The following TMEM38A variants were observed in gnomAD, a reference collection of about 807,000 sequenced individuals.
TMEM38A encodes transmembrane protein 38A.
Under a neutral mutation model 28.6 loss-of-function variants are expected in TMEM38A, and 17 were observed. The observed-to-expected ratio is 0.60, with a 90% CI of 0.41 to 0.89. TMEM38A has a LOEUF of 0.89. Ranked by LOEUF, TMEM38A falls within the 40% of genes least tolerant of loss-of-function variation. TMEM38A has a pLI of 0.00. For synonymous variants in TMEM38A, 169 were observed against 166.1 expected, an observed-to-expected ratio of 1.02 and a Z score of -0.14; for missense variants, 328 against 393.1, an observed-to-expected ratio of 0.83 and a Z score of 1.40.
chr19:16,680,094 G>A lies in TMEM38A; in HGVS notation c.235G>A (p.Asp79Asn), dbSNP rs762186775. Residue 79 changes from aspartate (D) to asparagine (N), a missense_variant, in exon 2 of 6, where the codon GAT becomes AAT. Coordinates refer to ENST00000187762, the MANE Select transcript of TMEM38A (RefSeq NM_024074.4). ...TCTGCTCCTTGGGGAGCCACTGATC[G>A]ATTACTTCAGCAACAACTCCAGCAT... ...ADLLLGEPLI[D>N]YFSNNSSILL... 3.1e-6 allele frequency: 5 copies of A among 1,610,730 alleles called. No homozygotes were observed. The highest frequency in any genetic ancestry group is 1.3e-5 in the African/African-American group (1 of 74,930).
At position 16,682,513 on chromosome 19, in the gene TMEM38A, G is replaced by A. The variant is rs1283329304; in HGVS notation, c.554+5G>A. Reference sequence around the variant, plus strand: ...CGAGATCCTGCACATGTCTTTGTGAGTATCCCACTCCACCTCTCCCTCCAT... The same window carrying A: ...CGAGATCCTGCACATGTCTTTGTGAATATCCCACTCCACCTCTCCCTCCAT... On this transcript the variant is annotated splice_donor_5th_base_variant and intron_variant, in intron 4 of 5. Coordinates refer to ENST00000187762, the MANE Select transcript of TMEM38A (RefSeq NM_024074.4). The A allele has an allele frequency of 3.7e-6, 6 of 1,613,536 alleles. No homozygotes were observed. The highest frequency in any genetic ancestry group is 5.1e-6 in the Non-Finnish European group (6 of 1,179,634).
At chr19:16,671,793 G>A (rs778495856) in intron 1 of TMEM38A, among the ~76,000 whole-genome samples, 2 of 152,222 alleles carry the variant, frequency 1.3e-5, no homozygotes, top group South Asian at 2.1e-4. Context: ...CCGTCAGAGC[G>A]TAACTCATGC....
chr19:16,669,745 A>C (rs934235687), intron 1 of TMEM38A, among the ~76,000 whole-genome samples: 4 of 152,092 alleles, frequency 2.6e-5, no homozygotes, highest in Admixed American at 6.6e-5. Flanking sequence ...AGACTCGGTC[A>C]GTACCCCATG....
chr19:16,662,904 A>T (rs2086688355), intron 1 of TMEM38A, among the ~76,000 whole-genome samples: 1 of 152,104 alleles, frequency 6.6e-6, no homozygotes, highest in Non-Finnish European at 1.5e-5. Flanking sequence ...TTGTCCTAGC[A>T]TGAACATGGG....
chr19:16,685,556 C>A (rs889785176), intron 4 of TMEM38A, among the ~76,000 whole-genome samples: 2 of 152,218 alleles, frequency 1.3e-5, no homozygotes, highest in African/African-American at 4.8e-5. Context: ...CAGGGAAGCT[C>A]TTCTGAGCCT....
In TMEM38A at chr19:16,689,707, G is replaced by C. The variant is rs550776442; in HGVS notation, c.*1336G>C. On this transcript the variant is annotated 3_prime_UTR_variant, in exon 6 of 6. Coordinates refer to ENST00000187762, the MANE Select transcript of TMEM38A (RefSeq NM_024074.4). ...GCTCTGTGGTCAGCCTTGTGCTGCT[G>C]CTGGGCGGGCCAGGAGCCTGCTTCA... 7 of 152,542 alleles carry C rather than the reference G, an allele frequency of 4.6e-5. No individual in the cohort carries two copies. Among genetic ancestry groups the C allele is most frequent in the Admixed American group, 2.6e-4 (4 of 15,292 alleles). 9.4% of individuals were successfully genotyped at this position (152,542 alleles called of 1,614,324 possible). A position where few individuals can be genotyped will look rare whatever the true frequency, so the allele number is the denominator to read the frequency against.
Position 16,688,607 on chromosome 19 carries a change from C to T in TMEM38A, c.*236C>T. On this transcript the variant is annotated 3_prime_UTR_variant, in exon 6 of 6. Transcript: ENST00000187762. ...CTGCCAGGACCCCATAGAGTCACAGCTTTTGGAGGGGTTCACAGAATCCTG... is the reference window on the plus strand; with the variant it reads ...CTGCCAGGACCCCATAGAGTCACAGTTTTTGGAGGGGTTCACAGAATCCTG... 2.7e-6 allele frequency: 1 copy of T among 371,926 alleles called. No individual in the cohort carries two copies. Among genetic ancestry groups the T allele is most frequent in the East Asian group, 4.0e-5 (1 of 25,178 alleles). The allele number at this position is 371,926 out of a possible 1,614,324, so 23.0% of individuals were successfully genotyped here.
intron 1 of TMEM38A, among the ~76,000 whole-genome samples, chr19:16,674,275 C>T (rs1264513195): frequency 6.6e-6 from 1 of 150,774 alleles, no homozygotes; most frequent in Non-Finnish European, 1.5e-5. Flanking sequence ...ATCCCAGCTA[C>T]TTGGGAGGCT....
chr19:16,669,210 CTTTT>C (rs1317572961), intron 1 of TMEM38A, among the ~76,000 whole-genome samples: 1 of 136,802 alleles, frequency 7.3e-6, no homozygotes, highest in African/African-American at 2.7e-5. Context: ...GCAGTTTTAA[CTTTT>C]TTTTTTTTTT....
intron 1 of TMEM38A, among the ~76,000 whole-genome samples, chr19:16,676,630 C>G (rs368321578): frequency 4.6e-5 from 7 of 151,596 alleles, no homozygotes; most frequent in Non-Finnish European, 7.4e-5. Flanking sequence ...TAGAAGATTA[C>G]GAAGATACAA....
At chr19:16,686,449 C>A in intron 5 of TMEM38A, 44 bp downstream of exon 5, 4 of 1,488,880 alleles carry the variant, frequency 2.7e-6, no homozygotes, top group African/African-American at 1.4e-5. Context: ...TGACCAATGC[C>A]ACCCTGCCAC....
At chr19:16,671,365 G>A (rs572655064) in intron 1 of TMEM38A, among the ~76,000 whole-genome samples, 1 of 152,066 alleles carries the variant, frequency 6.6e-6, no homozygotes, top group African/African-American at 2.4e-5. Flanking sequence ...ACCATACCCA[G>A]CTAATTTTTG....
chr19:16,688,230 C>A lies in TMEM38A; in HGVS notation c.759C>A (p.Cys253Ter). Residue 253 changes from cysteine (C) to a stop codon, truncating the protein, a stop_gained, in exon 6 of 6, where the codon TGC (cysteine) becomes TGA (stop). Coordinates refer to ENST00000187762, the MANE Select transcript of TMEM38A (RefSeq NM_024074.4). LOFTEE classifies it high-confidence loss of function. The stretch of plus-strand genomic sequence containing the variant: ...GCCCCGTGCTGTTTGGTTCGGCCTG[C>A]GGGGGTGACCATCACCACGACAACC... ...YICPVLFGSA[C>*]GGDHHHDNHG... The A allele has an allele frequency of 6.3e-7, 1 of 1,591,998 alleles. No homozygotes were observed. Among genetic ancestry groups the A allele is most frequent in the South Asian group, 1.1e-5 (1 of 88,096 alleles).
rs1480705070 is a variant in TMEM38A, at chr19:16,688,694, CTT to C, written c.*325_*326del. The C allele has an allele frequency of 4.9e-6, 1 of 202,350 alleles. No individual in the cohort carries two copies. Among genetic ancestry groups the C allele is most frequent in the African/African-American group, 2.3e-5 (1 of 43,300 alleles). The allele number at this position is 202,350 out of a possible 1,614,324, so 12.5% of individuals were successfully genotyped here. A position where few individuals can be genotyped will look rare whatever the true frequency, so the allele number is the denominator to read the frequency against. On this transcript the variant is annotated 3_prime_UTR_variant, in exon 6 of 6. Transcript: ENST00000187762. Reference sequence around the variant, plus strand: ...GATATTCTTAGTTGTATTTTTCCTTCTTTAAAATTGCATCTTGACCAGGCACA... The same window carrying C: ...GATATTCTTAGTTGTATTTTTCCTTCTAAAATTGCATCTTGACCAGGCACA...
At chr19:16,684,141 CAGAG>C (rs10687050) in intron 4 of TMEM38A, among the ~76,000 whole-genome samples, 4 of 147,748 alleles carry the variant, frequency 2.7e-5, no homozygotes, top group Non-Finnish European at 3.0e-5. Context: ...AAGAAAGAAA[CAGAG>C]AGAGAGAGAG....
At chr19:16,666,273 C>G (rs2086702691) in intron 1 of TMEM38A, among the ~76,000 whole-genome samples, 1 of 151,816 alleles carries the variant, frequency 6.6e-6, no homozygotes, top group Admixed American at 6.6e-5. Context: ...GCCATTGCGC[C>G]TGGCCCATTT....
chr19:16,679,161 A>G (rs1294044725), intron 1 of TMEM38A, among the ~76,000 whole-genome samples: 5 of 124,262 alleles, frequency 4.0e-5, no homozygotes, highest in Non-Finnish European at 6.3e-5. Context: ...ACAAACAAAA[A>G]AAGTTAAAAA....
At position 16,688,357 on chromosome 19, in the gene TMEM38A, A is replaced by C. The variant is rs1231166523; in HGVS notation, c.886A>C (p.Lys296Gln). The C allele has an allele frequency of 1.9e-6, 3 of 1,589,334 alleles. No homozygotes were observed. Among genetic ancestry groups the C allele is most frequent in the Non-Finnish European group, 2.6e-6 (3 of 1,169,954 alleles). Residue 296 changes from lysine to glutamine, a missense_variant, in exon 6 of 6, where the codon AAG (lysine) becomes CAG (glutamine). Coordinates refer to ENST00000187762, the MANE Select transcript of TMEM38A (RefSeq NM_024074.4). ...CGAGGGCTCCAGGAAGAAGAAGGCC[A>C]AGAAGGCGGATTAGGGGGTGGCCCA... Reference protein sequence around the residue: ...LSEGSRKKKAKKAD With the variant: ...LSEGSRKKKAQKAD
At chr19:16,663,936 G>C (rs2086693054) in intron 1 of TMEM38A, among the ~76,000 whole-genome samples, 1 of 151,888 alleles carries the variant, frequency 6.6e-6, no homozygotes, top group African/African-American at 2.4e-5. Flanking sequence ...CAGGGCTGAG[G>C]ATACTCCACC....
Sources: gnomAD v4.1 joint callset for allele counts (sites outside exome capture counted in the v4.1 genomes callset) on GRCh38, gnomAD v4.1.1 for gene constraint, MANE v1.5 for transcripts, NCBI Gene and HGNC (gene_info 2026-07-23, HGNC 2026-07-21) for gene names.